The following KCTD1 variants were observed in gnomAD, a reference collection of about 807,000 sequenced individuals.
KCTD1 encodes potassium channel tetramerization domain containing 1, also known as BTB/POZ domain-containing protein KCTD1.
Under a neutral mutation model 66.0 loss-of-function variants are expected in KCTD1, and 24 were observed. That is an observed-to-expected ratio of 0.36 (90% CI 0.26 to 0.51). The LOEUF (loss-of-function observed/expected upper bound fraction) is 0.51, where lower values mean the gene tolerates loss of function less well. Among genes scored for constraint, KCTD1 ranks in the 20% least tolerant of loss-of-function variants. KCTD1 has a pLI of 0.95. For synonymous variants in KCTD1, 511 were observed against 517.2 expected (o/e 0.99, Z 0.16); for missense variants, 943 against 1,205.2 (o/e 0.78, Z 3.22).
rs555807681 is a variant in KCTD1, at chr18:26,628,304, GAT to G, written c.-16+841_-16+842del. Among the ~76,000 whole-genome samples the G allele has an allele frequency of 2.6e-5, 4 of 152,168 alleles. No homozygotes were observed. The South Asian group carries it at 6.2e-4, about 24-fold the overall frequency. On this transcript the variant is annotated intron_variant, in intron 1 of 4. Transcript: ENST00000317932. Reference sequence around the variant, plus strand: ...TGACCAATGACATTTTCATTGGTAAGATATTAATGCATCTATAATACACACAC... The same window carrying G: ...TGACCAATGACATTTTCATTGGTAAGATTAATGCATCTATAATACACACAC...
At chr18:26,496,740 G>GCACGCACACACA (rs1555635322) in intron 2 of KCTD1, among the ~76,000 whole-genome samples, 125 of 148,184 alleles carry the variant, frequency 8.4e-4, no homozygotes, top group African/African-American at 2.9e-3. Context: ...AAAAGCATGT[G>GCACGCACACACA]CACACACACA....
chr18:26,533,827 TAAAAAAAAAA>T (rs143763803), intron 1 of KCTD1, among the ~76,000 whole-genome samples: 1 of 130,452 alleles, frequency 7.7e-6, no homozygotes, highest in Non-Finnish European at 1.6e-5. Flanking sequence ...AGCTATTATT[TAAAAAAAAAA>T]AAAAAAAAAA....
chr18:26,471,834 CA>C (rs745323363), intron 3 of KCTD1, among the ~76,000 whole-genome samples: 1 of 152,012 alleles, frequency 6.6e-6, no homozygotes, highest in Non-Finnish European at 1.5e-5. Context: ...GAGAACAAGT[CA>C]AAAAGGGGTA....
At chr18:26,457,318 G>A (rs1980144927) in intron 4 of KCTD1, 1 of 152,104 alleles carries the variant, frequency 6.6e-6, no homozygotes, top group South Asian at 2.1e-4. Flanking sequence ...TTTGGTGGCA[G>A]GTAAATACAA....
chr18:26,549,341 A>T (rs12458096), upstream of KCTD1: 47,854 of 985,384 alleles, frequency 0.049, 1,822 homozygotes, highest in African/African-American at 0.18. Flanking sequence ...CACGTCAGCC[A>T]CATCCCTTTC....
At chr18:26,630,329 T>C (rs1271408568), upstream of KCTD1, among the ~76,000 whole-genome samples, 3 of 152,246 alleles carry the variant, frequency 2.0e-5, no homozygotes, top group East Asian at 5.8e-4. Flanking sequence ...CTTTTTTTGT[T>C]TTTTTAGAGG....
intron 2 of KCTD1, among the ~76,000 whole-genome samples, chr18:26,487,265 A>G (rs1981967934): frequency 6.6e-6 from 1 of 152,258 alleles, no homozygotes; most frequent in Non-Finnish European, 1.5e-5. Flanking sequence ...CCTTGCAATG[A>G]CAAAGTCAAA....
At chr18:26,570,642 C>G (rs1567997032) in intron 1 of KCTD1, among the ~76,000 whole-genome samples, 1 of 152,170 alleles carries the variant, frequency 6.6e-6, no homozygotes, top group South Asian at 2.1e-4. Context: ...AACTCTCAGG[C>G]TCAAGATATC....
intron 3 of KCTD1, among the ~76,000 whole-genome samples, chr18:26,460,353 T>G (rs1980352943): frequency 6.6e-6 from 1 of 152,260 alleles, no homozygotes. Context: ...TCTATCCTCT[T>G]GGATGGAACG....
At chr18:26,593,363 G>GGAGGAGGAGGAA (rs796890192) in intron 1 of KCTD1, among the ~76,000 whole-genome samples, 5 of 109,334 alleles carry the variant, frequency 4.6e-5, no homozygotes, top group African/African-American at 7.0e-5. Flanking sequence ...AGGAGGAAGA[G>GGAGGAGGAGGAA]GAGGAGGAGG....
At chr18:26,594,368 A>T (rs934965230) in intron 1 of KCTD1, among the ~76,000 whole-genome samples, 1 of 152,222 alleles carries the variant, frequency 6.6e-6, no homozygotes, top group African/African-American at 2.4e-5. Context: ...TTATTTCTTA[A>T]TTGATGTCTA....
chr18:26,600,756 T>G (rs895834088), intron 1 of KCTD1, among the ~76,000 whole-genome samples: 1 of 151,796 alleles, frequency 6.6e-6, no homozygotes, highest in Non-Finnish European at 1.5e-5. Flanking sequence ...CTTTCAGAGT[T>G]GATAGTTTAC....
intron 1 of KCTD1, among the ~76,000 whole-genome samples, chr18:26,511,616 A>G (rs1253927308): frequency 6.6e-6 from 1 of 152,178 alleles, no homozygotes; most frequent in Non-Finnish European, 1.5e-5. Flanking sequence ...TATTATCACC[A>G]TTTCACAGAG....
chr18:26,606,874 A>C (rs1409125065), intron 1 of KCTD1, among the ~76,000 whole-genome samples: 1 of 152,250 alleles, frequency 6.6e-6, no homozygotes, highest in Non-Finnish European at 1.5e-5. Flanking sequence ...GATCAAGGAC[A>C]CAGTGCTTTT....
intron 1 of KCTD1, among the ~76,000 whole-genome samples, chr18:26,531,638 A>AT (rs1210004858): frequency 6.6e-6 from 1 of 152,122 alleles, no homozygotes; most frequent in Non-Finnish European, 1.5e-5. Context: ...ATTTGCAGAC[A>AT]TTTTTTGCCA....
At chr18:26,625,397 T>G (rs955448805) in intron 1 of KCTD1, among the ~76,000 whole-genome samples, 3 of 152,098 alleles carry the variant, frequency 2.0e-5, no homozygotes, top group Admixed American at 2.0e-4. Context: ...GATAAATGAA[T>G]CATAGGGGTG....
chr18:26,460,267 C>G (rs1980346994), intron 3 of KCTD1, among the ~76,000 whole-genome samples: 1 of 152,216 alleles, frequency 6.6e-6, no homozygotes, highest in Non-Finnish European at 1.5e-5. Context: ...AAAGGATTCA[C>G]CCAAGACTTG....
chr18:26,591,962 T>C (rs180795944), intron 1 of KCTD1, among the ~76,000 whole-genome samples: 33 of 152,300 alleles, frequency 2.2e-4, no homozygotes, highest in African/African-American at 7.2e-4. Context: ...ATTGAACACA[T>C]GATACAATAC....
chr18:26,612,089 G>A (rs1987151580), intron 1 of KCTD1, among the ~76,000 whole-genome samples: 1 of 152,124 alleles, frequency 6.6e-6, no homozygotes, highest in Non-Finnish European at 1.5e-5. Context: ...CTCTTATTCT[G>A]TTGAATAATC....
Sources: gnomAD v4.1 joint callset for allele counts (sites outside exome capture counted in the v4.1 genomes callset) on GRCh38, gnomAD v4.1.1 for gene constraint, MANE v1.5 for transcripts, NCBI Gene and HGNC (gene_info 2026-07-23, HGNC 2026-07-21) for gene names.